RBFOX1: variants seen among roughly 807,000 people sequenced by gnomAD.
RBFOX1 encodes RNA binding protein fox-1 homolog 1.
In RBFOX1, 8 loss-of-function variants were observed where a neutral mutation model predicts 57.7. The observed-to-expected ratio is 0.14, with a 90% CI of 0.08 to 0.25. RBFOX1 has a LOEUF of 0.25. Among genes scored for constraint, RBFOX1 ranks in the 10% least tolerant of loss-of-function variants. The pLI is 1.00. For synonymous variants in RBFOX1, 326 were observed against 222.4 expected (o/e 1.47, Z -4.15); for missense variants, 611 against 548.5 (o/e 1.11, Z -1.14).
chr16:6,297,896 C>A (rs2078319278), intron 1 of RBFOX1, among the ~76,000 whole-genome samples: 1 of 152,172 alleles, frequency 6.6e-6, no homozygotes, highest in Non-Finnish European at 1.5e-5. Flanking sequence ...TTTCCAGCTC[C>A]CCATCTATCC....
At chr16:7,014,743 G>A (rs1281715995) in intron 3 of RBFOX1, among the ~76,000 whole-genome samples, 7 of 151,974 alleles carry the variant, frequency 4.6e-5, no homozygotes, top group Non-Finnish European at 7.4e-5. Context: ...TTGTTTTTTC[G>A]AGATGGAGTC....
At chr16:7,069,075 G>A (rs368428863) in intron 4 of RBFOX1, among the ~76,000 whole-genome samples, 4 of 152,232 alleles carry the variant, frequency 2.6e-5, no homozygotes, top group South Asian at 2.1e-4. Flanking sequence ...GGAGATGTCT[G>A]TAGCAGATGG....
At chr16:6,372,170 T>G (rs559451606) in intron 2 of RBFOX1, among the ~76,000 whole-genome samples, 4 of 151,208 alleles carry the variant, frequency 2.6e-5, no homozygotes, top group Admixed American at 1.3e-4. Flanking sequence ...GGTTGTTGGG[T>G]AGAATGGAGA....
At chr16:5,744,413 T>A (rs189063340) in intron 3 of RBFOX1, among the ~76,000 whole-genome samples, 1 of 152,194 alleles carries the variant, frequency 6.6e-6, no homozygotes, top group Non-Finnish European at 1.5e-5. Flanking sequence ...AGATTCTTCT[T>A]AGGCAGAATC....
At chr16:5,605,012 C>T (rs2047518020), downstream of RBFOX1, among the ~76,000 whole-genome samples, 1 of 152,210 alleles carries the variant, frequency 6.6e-6, no homozygotes, top group South Asian at 2.1e-4. Flanking sequence ...GTTCCCTTCT[C>T]TACAGCCCGC....
chr16:6,616,381 G>GTT lies in RBFOX1; in HGVS notation c.-63-38210_-63-38209dup, dbSNP rs34635131. ...GACTCAAATACAGTAAAAATGTTTGGTTTTTTTTTTTTTGGCCAGGCGTGA... is the reference window on the plus strand; with the variant it reads ...GACTCAAATACAGTAAAAATGTTTGGTTTTTTTTTTTTTTTGGCCAGGCGTGA... On this transcript the variant is annotated intron_variant, in intron 2 of 15. Coordinates refer to ENST00000550418, the MANE Select transcript of RBFOX1 (RefSeq NM_018723.4). Among the ~76,000 whole-genome samples the GTT allele has an allele frequency of 8.4e-5, 12 of 142,658 alleles. 1 individual carries two copies. The highest frequency in any genetic ancestry group is 2.0e-4 in the African/African-American group (8 of 39,266). The allele number at this position is 142,658 out of a possible 152,430, so 93.6% of individuals were successfully genotyped here. A position where few individuals can be genotyped will look rare whatever the true frequency, so the allele number is the denominator to read the frequency against.
chr16:6,613,184 A>G (rs1427443985), intron 2 of RBFOX1, among the ~76,000 whole-genome samples: 5 of 152,140 alleles, frequency 3.3e-5, no homozygotes, highest in Admixed American at 3.3e-4. Context: ...CTCACAAGGC[A>G]GCCATTAGCA....
intron 4 of RBFOX1, among the ~76,000 whole-genome samples, chr16:7,071,720 A>G (rs1443397832): frequency 3.3e-5 from 5 of 152,064 alleles, no homozygotes; most frequent in African/African-American, 9.7e-5. Context: ...AGGTCCCTAT[A>G]CACAAAAAGT....
At chr16:5,485,171 C>A (rs1228771201) in intron 2 of RBFOX1, among the ~76,000 whole-genome samples, 2 of 151,498 alleles carry the variant, frequency 1.3e-5, no homozygotes, top group Non-Finnish European at 2.9e-5. Context: ...ATGGAGAAAC[C>A]CCGTCTCTAC....
rs114311299 is a variant in RBFOX1 at position 6,814,222 on chromosome 16, A to T, written c.-16+159572A>T. ...ATGATAATAACTGTTTTCTTCTTTC[A>T]TGTAATAACACAGAGAGAAAATTGT... is the stretch of plus-strand genomic sequence containing the variant. On this transcript the variant is annotated intron_variant, in intron 3 of 15. Transcript: ENST00000550418. Among the ~76,000 whole-genome samples, 78 of 144,992 alleles carry T rather than the reference A, an allele frequency of 5.4e-4. 1 individual carries two copies. The East Asian group carries it at 0.016, about 29-fold the overall frequency.
intron 4 of RBFOX1, among the ~76,000 whole-genome samples, chr16:7,180,686 C>G (rs2082521526): frequency 6.8e-6 from 1 of 147,608 alleles, no homozygotes; most frequent in Non-Finnish European, 1.5e-5. Context: ...CACTCCCCTG[C>G]TCCATTTCTA....
intron 4 of RBFOX1, among the ~76,000 whole-genome samples, chr16:7,272,947 GCTTT>G (rs1455420920): frequency 8.8e-6 from 1 of 113,532 alleles, no homozygotes; most frequent in African/African-American, 3.5e-5. Context: ...TTCCTTCCCT[GCTTT>G]CTTCCTTTTC....
chr16:5,428,269 T>G (rs894750100), intron 1 of RBFOX1, among the ~76,000 whole-genome samples: 7 of 152,140 alleles, frequency 4.6e-5, no homozygotes, highest in Non-Finnish European at 1.0e-4. Context: ...AACTTGCTAT[T>G]GCTTGCTATA....
intron 3 of RBFOX1, among the ~76,000 whole-genome samples, chr16:6,671,647 G>T (rs1261717717): frequency 6.6e-6 from 1 of 152,060 alleles, no homozygotes; most frequent in Non-Finnish European, 1.5e-5. Context: ...CCCAAAGTCC[G>T]TTCTATCATT....
At chr16:6,323,165 A>G (rs1481036705) in intron 2 of RBFOX1, among the ~76,000 whole-genome samples, 1 of 152,174 alleles carries the variant, frequency 6.6e-6, no homozygotes, top group Non-Finnish European at 1.5e-5. Flanking sequence ...AGAAGAAATA[A>G]CAATTCCTTC....
intron 3 of RBFOX1, among the ~76,000 whole-genome samples, chr16:5,758,807 T>A (rs1213396987): frequency 2.6e-5 from 4 of 152,250 alleles, no homozygotes; most frequent in Non-Finnish European, 5.9e-5. Context: ...TGAATGCACA[T>A]CTAGGGAATG....
intron 3 of RBFOX1, among the ~76,000 whole-genome samples, chr16:5,799,226 A>G (rs57429015): frequency 0.014 from 2,069 of 152,174 alleles, 51 homozygotes; most frequent in African/African-American, 0.048. Flanking sequence ...ATTCATTACC[A>G]TAAGTACAGT....
rs1205435015 is a variant in RBFOX1, at chr16:6,078,643, A to C, written c.-127+58651A>C. ...CTGCTGCATTTTTACCTCTCTCATA[A>C]GATTGCTGTGAGGAGGCTGAGACAA... On this transcript the variant is annotated intron_variant, in intron 1 of 15. Coordinates refer to ENST00000550418, the MANE Select transcript of RBFOX1 (RefSeq NM_018723.4). Among the ~76,000 whole-genome samples the C allele has an allele frequency of 2.0e-5, 3 of 150,952 alleles. No individual in the cohort carries two copies. In the East Asian group the frequency reaches 5.9e-4, roughly 30 times the overall value.
intron 3 of RBFOX1, among the ~76,000 whole-genome samples, chr16:6,891,356 T>A (rs542204055): frequency 1.2e-4 from 18 of 152,246 alleles, no homozygotes; most frequent in African/African-American, 4.1e-4. Context: ...CCCATCGATA[T>A]AAGATACAGA....
Sources: gnomAD v4.1 joint callset for allele counts (sites outside exome capture counted in the v4.1 genomes callset) on GRCh38, gnomAD v4.1.1 for gene constraint, MANE v1.5 for transcripts, NCBI Gene and HGNC (gene_info 2026-07-23, HGNC 2026-07-21) for gene names.